AGBL4: variants seen among roughly 807,000 people sequenced by gnomAD.
The protein encoded by AGBL4 is AGBL carboxypeptidase 4.
AGBL4 carries 58 observed loss-of-function variants against 66.4 expected under a neutral mutation model. That is an observed-to-expected ratio of 0.87 (90% CI 0.71 to 1.09). The LOEUF (loss-of-function observed/expected upper bound fraction) is 1.09. Ranked by LOEUF, AGBL4 falls within the 50% of genes least tolerant of loss-of-function variation. The probability of loss-of-function intolerance (pLI) is 0.00; values close to 1 mark genes in which losing one functional copy is unlikely to be tolerated. For missense variants in AGBL4, 579 were observed against 631.0 expected, an observed-to-expected ratio of 0.92 and a Z score of 0.88; for synonymous variants, 234 against 222.9, an observed-to-expected ratio of 1.05 and a Z score of -0.44.
chr1:49,959,014 A>G (rs1026730966), intron 1 of AGBL4, among the ~76,000 whole-genome samples: 1 of 151,008 alleles, frequency 6.6e-6, no homozygotes, highest in Admixed American at 6.6e-5. Flanking sequence ...GCAGCCCAAG[A>G]TAAAAAAAAA....
rs530519070 is a variant in AGBL4 at position 49,985,234 on chromosome 1, C to T, written c.34+38529G>A. On this transcript the variant is annotated intron_variant, in intron 1 of 13. Coordinates refer to ENST00000371839, the MANE Select transcript of AGBL4 (RefSeq NM_032785.4). Reference sequence around the variant, plus strand: ...GTAAAATACCTACACAATGTATCCCCGAATCTAAAATAAAAATTGAAATTA... The same window carrying T: ...GTAAAATACCTACACAATGTATCCCTGAATCTAAAATAAAAATTGAAATTA... Among the ~76,000 whole-genome samples the T allele has an allele frequency of 9.2e-5, 14 of 151,818 alleles. No individual in the cohort carries two copies. The South Asian group carries it at 1.5e-3, about 16-fold the overall frequency.
intron 7 of AGBL4, among the ~76,000 whole-genome samples, chr1:48,662,949 G>T (rs771528621): frequency 1.1e-4 from 17 of 152,074 alleles, no homozygotes; most frequent in African/African-American, 2.9e-4. Context: ...TCTATCCATT[G>T]ATTAATTAAT....
intron 7 of AGBL4, among the ~76,000 whole-genome samples, chr1:48,660,354 T>A (rs1233502343): frequency 2.0e-5 from 3 of 152,236 alleles, no homozygotes; most frequent in African/African-American, 7.2e-5. Flanking sequence ...TTCACATGCC[T>A]GTTCCCTGCT....
chr1:48,614,077 C>T (rs1297487081), intron 9 of AGBL4, among the ~76,000 whole-genome samples: 1 of 152,160 alleles, frequency 6.6e-6, no homozygotes, highest in Admixed American at 6.5e-5. Context: ...TTTCCAAGGT[C>T]ACCCTCTGAT....
chr1:49,778,622 T>C (rs1644258594), intron 2 of AGBL4, among the ~76,000 whole-genome samples: 1 of 152,112 alleles, frequency 6.6e-6, no homozygotes, highest in Admixed American at 6.6e-5. Context: ...AAGAGACAGG[T>C]AAAAGAGCCC....
intron 6 of AGBL4, among the ~76,000 whole-genome samples, chr1:48,738,911 C>T (rs76587991): frequency 3.3e-4 from 50 of 152,248 alleles, no homozygotes; most frequent in African/African-American, 1.2e-3. Context: ...ATTATTTTCC[C>T]ATTTTACAGA....
intron 4 of AGBL4, among the ~76,000 whole-genome samples, chr1:49,147,067 GGT>G (rs1443762420): frequency 2.6e-5 from 4 of 152,218 alleles, no homozygotes; most frequent in Admixed American, 2.6e-4. Flanking sequence ...CGACACAGGA[GGT>G]GGAGCAGGAG....
intron 5 of AGBL4, among the ~76,000 whole-genome samples, chr1:48,927,243 C>A (rs372184800): frequency 6.6e-6 from 1 of 152,124 alleles, no homozygotes; most frequent in African/African-American, 2.4e-5. Flanking sequence ...AACAGTTCCA[C>A]GTGGCTGGGG....
At chr1:49,781,967 C>T (rs909251851) in intron 2 of AGBL4, among the ~76,000 whole-genome samples, 1 of 151,882 alleles carries the variant, frequency 6.6e-6, no homozygotes, top group Non-Finnish European at 1.5e-5. Context: ...ACAGCTAAAG[C>T]AGTGCTTAGA....
At chr1:49,145,926 A>G (rs1213966765) in intron 4 of AGBL4, among the ~76,000 whole-genome samples, 1 of 152,224 alleles carries the variant, frequency 6.6e-6, no homozygotes, top group African/African-American at 2.4e-5. Context: ...GTTCAGCAAT[A>G]AAAAAGAATG....
intron 3 of AGBL4, among the ~76,000 whole-genome samples, chr1:49,594,495 C>T (rs1323040837): frequency 6.6e-6 from 1 of 152,132 alleles, no homozygotes; most frequent in Non-Finnish European, 1.5e-5. Context: ...CATATTTGTC[C>T]TAATCTCTCC....
intron 5 of AGBL4, among the ~76,000 whole-genome samples, chr1:49,015,210 G>A (rs1169899423): frequency 6.6e-6 from 1 of 151,926 alleles, no homozygotes; most frequent in Non-Finnish European, 1.5e-5. Flanking sequence ...AGTTGATTTT[G>A]TTCCCTTAGG....
At chr1:49,986,378 T>C (rs1659506095) in intron 1 of AGBL4, among the ~76,000 whole-genome samples, 1 of 152,112 alleles carries the variant, frequency 6.6e-6, no homozygotes, top group African/African-American at 2.4e-5. Flanking sequence ...TTCATTCTCA[T>C]TGCTGTGAAG....
chr1:48,524,806 AT>A, the AGBL4 span, among the ~76,000 whole-genome samples: 8 of 151,964 alleles, frequency 5.3e-5, no homozygotes, highest in South Asian at 4.2e-4. Context: ...ATCATAGTCA[AT>A]TTATCTCTTT....
At chr1:48,685,029 G>C (rs1646510023) in intron 6 of AGBL4, among the ~76,000 whole-genome samples, 1 of 152,308 alleles carries the variant, frequency 6.6e-6, no homozygotes, top group East Asian at 1.9e-4. Flanking sequence ...AAGGACTGGA[G>C]CAGACACTCT....
At chr1:49,965,027 A>T (rs1557624489) in intron 1 of AGBL4, among the ~76,000 whole-genome samples, 1 of 152,192 alleles carries the variant, frequency 6.6e-6, no homozygotes, top group East Asian at 1.9e-4. Context: ...ACAAACCTGA[A>T]TTTCAAAACC....
intron 4 of AGBL4, among the ~76,000 whole-genome samples, chr1:49,184,994 T>A (rs892823765): frequency 1.3e-5 from 2 of 152,208 alleles, no homozygotes; most frequent in African/African-American, 4.8e-5. Flanking sequence ...TCCCTCCAAG[T>A]GTTTTCATAT....
chr1:49,988,996 C>A (rs1445202065), intron 1 of AGBL4, among the ~76,000 whole-genome samples: 1 of 152,132 alleles, frequency 6.6e-6, no homozygotes, highest in African/African-American at 2.4e-5. Context: ...ATAACACACA[C>A]AATTAACCCT....
Position 49,060,301 on chromosome 1 carries a change from G to A in AGBL4, c.378-14501C>T, listed in dbSNP as rs372356920. Among the ~76,000 whole-genome samples the A allele has an allele frequency of 4.6e-5, 7 of 152,216 alleles. No individual in the cohort carries two copies. In the East Asian group the frequency reaches 1.4e-3, roughly 29 times the overall value. On this transcript the variant is annotated intron_variant, in intron 4 of 13. Transcript: ENST00000371839. ...GCACTTCTCCTTCCTGCCATTATGT[G>A]AAGAAGGATGTGTTTGCATCCTCTT... is the stretch of plus-strand genomic sequence containing the variant.
Sources: allele counts gnomAD v4.1 joint callset (sites outside exome capture counted in the v4.1 genomes callset), GRCh38; gene constraint gnomAD v4.1.1; transcripts MANE v1.5; gene names NCBI Gene and HGNC (gene_info 2026-07-23, HGNC 2026-07-21).